Variants in ITK observed in about 807,000 individuals in gnomAD.
ITK encodes the protein IL2 inducible T cell kinase, also known as tyrosine-protein kinase ITK/TSK.
Under a neutral mutation model 87.6 loss-of-function variants are expected in ITK, and 45 were observed. The ratio of observed to expected loss-of-function variants is 0.51; its 90% CI spans 0.40 to 0.66. ITK has a LOEUF of 0.66. ITK is among the 30% of genes least tolerant of loss of function. The probability of loss-of-function intolerance (pLI) is 0.00; values close to 1 mark genes in which losing one functional copy is unlikely to be tolerated. For missense variants in ITK, 605 were observed against 766.3 expected, an observed-to-expected ratio of 0.79 and a Z score of 2.48; for synonymous variants, 303 against 273.6, an observed-to-expected ratio of 1.11 and a Z score of -1.06.
chr5:157,238,100 C>T lies in ITK; in HGVS notation c.769-9C>T. 6.2e-7 allele frequency: 1 copy of T among 1,607,366 alleles called. No homozygotes were observed. The highest frequency in any genetic ancestry group is 8.5e-7 in the Non-Finnish European group (1 of 1,173,900). ...ATCACTAACTTTCCATTCTTTCTAA[C>T]CATTCCAGGGCAAAGAAGGAGCCTT... On this transcript the variant is annotated splice_polypyrimidine_tract_variant and intron_variant, in intron 8 of 16. Coordinates refer to ENST00000422843, the MANE Select transcript of ITK (RefSeq NM_005546.4).
intron 13 of ITK, 40 bp from the exon 14 acceptor site, chr5:157,245,686 A>T (rs995059064): frequency 6.4e-7 from 1 of 1,557,328 alleles, no homozygotes; most frequent in African/African-American, 1.4e-5. Flanking sequence ...ACTCATCAAC[A>T]GTTTTCCTCT....
At chr5:157,216,268 G>T (rs1350041709) in intron 4 of ITK, among the ~76,000 whole-genome samples, 5 of 152,110 alleles carry the variant, frequency 3.3e-5, no homozygotes, top group Non-Finnish European at 7.3e-5. Flanking sequence ...CGAGCACATT[G>T]GCAGTGCGGG....
chr5:157,212,531 T>C (rs1754211199), intron 3 of ITK, among the ~76,000 whole-genome samples: 1 of 152,056 alleles, frequency 6.6e-6, no homozygotes, highest in Non-Finnish European at 1.5e-5. Context: ...TAAGAAGTAA[T>C]CAAAATGGGC....
At chr5:157,185,122 G>T (rs1753615179) in intron 1 of ITK, among the ~76,000 whole-genome samples, 1 of 152,108 alleles carries the variant, frequency 6.6e-6, no homozygotes, top group Non-Finnish European at 1.5e-5. Flanking sequence ...AAGCATTACT[G>T]CTAGTGATCA....
chr5:157,248,968 C>T lies in ITK; in HGVS notation c.1752C>T (p.Ser584=). The part of the protein sequence containing the change: ...GFRLYKPRLA[S]THVYQIMNHC... ...GGTTGTACAAGCCCCGGCTGGCCTC[C>T]ACACACGTCTACCAGATTATGAATC... Residue 584 remains serine (S), a synonymous_variant, in exon 16 of 17, where the codon TCC becomes TCT. Transcript: ENST00000422843. 6.2e-7 allele frequency: 1 copy of T among 1,613,964 alleles called. No individual in the cohort carries two copies.
chr5:157,229,855 T>C (rs567833970), intron 7 of ITK, among the ~76,000 whole-genome samples: 1 of 152,240 alleles, frequency 6.6e-6, no homozygotes, highest in East Asian at 1.9e-4. Context: ...CAGAGGTTGC[T>C]GTGAGCCAAG....
intron 11 of ITK, among the ~76,000 whole-genome samples, chr5:157,242,156 G>A (rs1754921110): frequency 6.6e-6 from 1 of 152,204 alleles, no homozygotes; most frequent in Non-Finnish European, 1.5e-5. Context: ...GCATAAGAGA[G>A]TGTTAAAATT....
chr5:157,211,809 G>A (rs1162347349), intron 3 of ITK, among the ~76,000 whole-genome samples: 1 of 152,070 alleles, frequency 6.6e-6, no homozygotes, highest in African/African-American at 2.4e-5. Flanking sequence ...TGTACACTTG[G>A]GCGAGTTCCT....
chr5:157,238,717 G>A (rs988641483), intron 9 of ITK, among the ~76,000 whole-genome samples: 6 of 152,176 alleles, frequency 3.9e-5, no homozygotes, highest in African/African-American at 1.4e-4. Context: ...ATGGCCGTGG[G>A]TCTGAAGGGG....
chr5:157,201,893 G>T (rs902909834), intron 1 of ITK, among the ~76,000 whole-genome samples: 2 of 152,076 alleles, frequency 1.3e-5, no homozygotes, highest in South Asian at 4.1e-4. Context: ...TTTCATATAG[G>T]TAAATTGCAT....
intron 15 of ITK, among the ~76,000 whole-genome samples, chr5:157,246,600 T>C (rs1755023576): frequency 6.6e-6 from 1 of 152,180 alleles, no homozygotes; most frequent in South Asian, 2.1e-4. Context: ...AAGTAGGTGC[T>C]ATGAATAAAA....
chr5:157,228,373 T>C lies in ITK; in HGVS notation c.713+12T>C. The C allele has an allele frequency of 6.5e-7, 1 of 1,533,010 alleles. No individual in the cohort carries two copies. Among genetic ancestry groups the C allele is most frequent in the South Asian group, 1.1e-5 (1 of 89,314 alleles). The allele number at this position is 1,533,010 out of a possible 1,614,324, so 95.0% of individuals were successfully genotyped here. A position where few individuals can be genotyped will look rare whatever the true frequency, so the allele number is the denominator to read the frequency against. On this transcript the variant is annotated intron_variant, in intron 7 of 16. Transcript: ENST00000422843. ...CTGGAAACCTATGAGTAAGATATTT[T>C]ATTTGTTTTTGGAAAATACAGTCCT...
At chr5:157,241,809 C>T (rs1754914372) in intron 11 of ITK, 89 bp downstream of exon 11, 2 of 870,214 alleles carry the variant, frequency 2.3e-6, no homozygotes, top group Non-Finnish European at 3.9e-6. Context: ...ACCTGTTCCT[C>T]AGACTACAAA....
chr5:157,243,805 A>G lies in ITK; in HGVS notation c.1232+11A>G. On this transcript the variant is annotated intron_variant, in intron 12 of 16. Transcript: ENST00000422843. ...GGCTGAAGTAATGATGTGAGTGCTC[A>G]GAACAAGGATATGCAGAAACTCTGG... 6.2e-7 allele frequency: 1 copy of G among 1,612,956 alleles called. No homozygotes were observed. The highest frequency in any genetic ancestry group is 8.5e-7 in the Non-Finnish European group (1 of 1,178,922).
chr5:157,233,949 ATATATATATATATATTT>A (rs1754714830), intron 8 of ITK, among the ~76,000 whole-genome samples: 2 of 19,194 alleles, frequency 1.0e-4, no homozygotes, highest in South Asian at 1.9e-3. Context: ...ATATATATAT[ATATATATATATATATTT>A]TTTTTTTTTT....
chr5:157,241,902 A>G (rs551898267), intron 11 of ITK, among the ~76,000 whole-genome samples, 182 bp downstream of exon 11: 145 of 152,340 alleles, frequency 9.5e-4, no homozygotes, highest in African/African-American at 3.3e-3. Flanking sequence ...AAGTACATAT[A>G]CAAGCACATT....
intron 1 of ITK, among the ~76,000 whole-genome samples, chr5:157,199,993 G>C (rs1276410462): frequency 6.6e-6 from 1 of 151,900 alleles, no homozygotes; most frequent in Non-Finnish European, 1.5e-5. Context: ...GTACATAGCA[G>C]AGCAGCTCCT....
intron 1 of ITK, among the ~76,000 whole-genome samples, chr5:157,190,895 G>A (rs1349333875): frequency 6.6e-6 from 1 of 152,194 alleles, no homozygotes; most frequent in African/African-American, 2.4e-5. Flanking sequence ...GTGGATCATG[G>A]CAAGGAGTTT....
At chr5:157,193,031 CAT>C (rs1753783349) in intron 1 of ITK, among the ~76,000 whole-genome samples, 1 of 152,080 alleles carries the variant, frequency 6.6e-6, no homozygotes, top group Non-Finnish European at 1.5e-5. Flanking sequence ...GCCTGGGTAA[CAT>C]AGTGAGATCC....
Sources: gnomAD v4.1 joint callset for allele counts (sites outside exome capture counted in the v4.1 genomes callset) on GRCh38, gnomAD v4.1.1 for gene constraint, MANE v1.5 for transcripts, NCBI Gene and HGNC (gene_info 2026-07-23, HGNC 2026-07-21) for gene names.